The following STARD13 variants were observed in gnomAD, a reference collection of about 807,000 sequenced individuals.
STARD13 encodes the protein stAR-related lipid transfer protein 13.
STARD13 carries 62 observed loss-of-function variants against 106.4 expected under a neutral mutation model. That is an observed-to-expected ratio of 0.58 (90% CI 0.48 to 0.72). STARD13 has a LOEUF of 0.72. Among genes scored for constraint, STARD13 ranks in the 30% least tolerant of loss-of-function variants. The pLI is 0.00. For missense variants in STARD13, 1,387 were observed against 1,424.0 expected, an observed-to-expected ratio of 0.97 and a Z score of 0.42; for synonymous variants, 565 against 553.0, an observed-to-expected ratio of 1.02 and a Z score of -0.31.
At chr13:33,639,982 A>G in the STARD13 span, among the ~76,000 whole-genome samples, 7 of 152,310 alleles carry the variant, frequency 4.6e-5, no homozygotes, top group Non-Finnish European at 8.8e-5. Context: ...GGGTAGAGCA[A>G]TGGGTGAGAG....
chr13:33,167,319 G>A (rs1040230157), intron 2 of STARD13, among the ~76,000 whole-genome samples: 1 of 152,164 alleles, frequency 6.6e-6, no homozygotes, highest in African/African-American at 2.4e-5. Flanking sequence ...TTGCGGTAAA[G>A]AGATGGGAAT....
At chr13:33,627,031 A>C in the STARD13 span, among the ~76,000 whole-genome samples, 18,458 of 152,262 alleles carry the variant, frequency 0.12, 2,826 homozygotes, top group African/African-American at 0.36. Flanking sequence ...CCTGCTTCAA[A>C]CTTCATCAAT....
chr13:33,415,378 T>C, the STARD13 span, among the ~76,000 whole-genome samples: 1 of 151,972 alleles, frequency 6.6e-6, no homozygotes. Flanking sequence ...AAAAAATAAA[T>C]AAATAAATAA....
chr13:33,641,740 A>G, the STARD13 span, among the ~76,000 whole-genome samples: 11 of 152,298 alleles, frequency 7.2e-5, no homozygotes, highest in South Asian at 1.9e-3. Flanking sequence ...AGCCTGTGAT[A>G]TACTGATTAT....
intron 1 of STARD13, among the ~76,000 whole-genome samples, chr13:33,263,663 G>T (rs1234909841): frequency 6.6e-6 from 1 of 152,066 alleles, no homozygotes; most frequent in Non-Finnish European, 1.5e-5. Context: ...CCAAAGAATT[G>T]GTGCAATGCA....
the STARD13 span, among the ~76,000 whole-genome samples, chr13:33,471,613 T>C: frequency 6.6e-6 from 1 of 151,000 alleles, no homozygotes; most frequent in Non-Finnish European, 1.5e-5. Context: ...ACATTCACAA[T>C]TCAGTCATAT....
At chr13:33,608,921 C>G in the STARD13 span, among the ~76,000 whole-genome samples, 1 of 151,596 alleles carries the variant, frequency 6.6e-6, no homozygotes, top group East Asian at 1.9e-4. Flanking sequence ...CCTGTCTCTA[C>G]TAAAAATACA....
the STARD13 span, among the ~76,000 whole-genome samples, chr13:33,567,302 C>T: frequency 2.0e-5 from 3 of 148,238 alleles, no homozygotes; most frequent in South Asian, 2.1e-4. Context: ...AGAATCATGA[C>T]GTCTTTGTGA....
the STARD13 span, among the ~76,000 whole-genome samples, chr13:33,591,453 T>C: frequency 6.6e-6 from 1 of 152,238 alleles, no homozygotes; most frequent in Non-Finnish European, 1.5e-5. Context: ...CTTGTCTTTT[T>C]CAGCATTGTA....
the STARD13 span, among the ~76,000 whole-genome samples, chr13:33,553,480 G>T: frequency 6.6e-6 from 1 of 151,580 alleles, no homozygotes; most frequent in Admixed American, 6.6e-5. Context: ...TTCATGAGGA[G>T]ATTAATGGGA....
the STARD13 span, among the ~76,000 whole-genome samples, chr13:33,556,938 G>C: frequency 6.6e-6 from 1 of 152,134 alleles, no homozygotes; most frequent in Non-Finnish European, 1.5e-5. Context: ...ATTTTTTGTA[G>C]AGATGAGGTT....
At chr13:33,252,385 T>C (rs910601446) in intron 1 of STARD13, among the ~76,000 whole-genome samples, 2 of 152,220 alleles carry the variant, frequency 1.3e-5, no homozygotes, top group African/African-American at 4.8e-5. Context: ...CTGAAATAGC[T>C]GCACAACAGC....
At chr13:33,362,260 C>T in the STARD13 span, among the ~76,000 whole-genome samples, 1 of 152,056 alleles carries the variant, frequency 6.6e-6, no homozygotes, top group Admixed American at 6.6e-5. Flanking sequence ...AGAGCAAGAG[C>T]AAGGGTGAGG....
At chr13:33,154,044 G>A (rs542943822) in intron 3 of STARD13, among the ~76,000 whole-genome samples, 7 of 152,322 alleles carry the variant, frequency 4.6e-5, no homozygotes, top group South Asian at 2.1e-4. Flanking sequence ...CGGACTGTTG[G>A]AAAATGCAGA....
At chr13:33,260,142 C>T (rs181481715) in intron 1 of STARD13, among the ~76,000 whole-genome samples, 46 of 152,230 alleles carry the variant, frequency 3.0e-4, no homozygotes, top group Non-Finnish European at 1.8e-4. Context: ...CATGGTCAAA[C>T]ATCTAGGCCT....
the STARD13 span, among the ~76,000 whole-genome samples, chr13:33,627,636 CAAAA>C: frequency 9.1e-6 from 1 of 110,128 alleles, no homozygotes; most frequent in Non-Finnish European, 2.1e-5. Flanking sequence ...GACTCCATCT[CAAAA>C]AAAAAAAAAA....
At chr13:33,450,042 G>C in the STARD13 span, among the ~76,000 whole-genome samples, 1 of 152,250 alleles carries the variant, frequency 6.6e-6, no homozygotes, top group South Asian at 2.1e-4. Context: ...GGGACAGCTT[G>C]ATTTCTACTC....
chr13:33,458,059 A>G, the STARD13 span, among the ~76,000 whole-genome samples: 2 of 152,280 alleles, frequency 1.3e-5, no homozygotes, highest in South Asian at 2.1e-4. Flanking sequence ...ATCATCTTAC[A>G]TGGTTATAGT....
At position 33,110,753 on chromosome 13, in the gene STARD13, G is replaced by A. The variant is rs537417836; in HGVS notation, c.2762C>T (p.Ala921Val). ...NHLIQGLQKE[A>V]KEKFKGWVTC... The stretch of plus-strand genomic sequence containing the variant: ...GACCCATCCTTTGAACTTCTCCTTG[G>A]CTTCTTTCTGGAGGCCCTGGATGAG... The change falls in exon 11 of 14, where the codon GCC (alanine) becomes GTC (valine). Residue 921 changes from alanine (A) to valine (V), a missense_variant. Ala to Val is a moderately conservative substitution (Grantham distance 64). Transcript: ENST00000336934. 20 of 1,614,194 alleles carry A rather than the reference G, an allele frequency of 1.2e-5. No homozygotes were observed. The African/African-American group carries it at 2.7e-4, about 22-fold the overall frequency.
Sources: allele counts gnomAD v4.1 joint callset (sites outside exome capture counted in the v4.1 genomes callset), GRCh38; gene constraint gnomAD v4.1.1; transcripts MANE v1.5; gene names NCBI Gene and HGNC (gene_info 2026-07-23, HGNC 2026-07-21).